UTRN: variants seen among roughly 807,000 people sequenced by gnomAD.
UTRN encodes the protein utrophin, also known as dystrophin-related protein 1.
Under a neutral mutation model 463.9 loss-of-function variants are expected in UTRN, and 283 were observed. The observed-to-expected ratio is 0.61, with a 90% CI of 0.55 to 0.67. UTRN has a LOEUF of 0.67. Among genes scored for constraint, UTRN ranks in the 30% least tolerant of loss-of-function variants. UTRN has a pLI of 0.00. For missense variants in UTRN, 3,922 were observed against 4,084.3 expected (o/e 0.96, Z 1.08); for synonymous variants, 1,442 against 1,431.5 (o/e 1.01, Z -0.17).
chr6:144,553,337 C>T (rs1301664317), intron 48 of UTRN, among the ~76,000 whole-genome samples: 4 of 152,124 alleles, frequency 2.6e-5, no homozygotes, highest in African/African-American at 9.7e-5. Flanking sequence ...TGCACCCAGC[C>T]AGTTGATAGC....
At chr6:144,736,696 G>A (rs544936140) in intron 54 of UTRN, among the ~76,000 whole-genome samples, 17 of 152,242 alleles carry the variant, frequency 1.1e-4, no homozygotes, top group Admixed American at 9.8e-4. Flanking sequence ...TGCCCGTAGT[G>A]CATGCCATGG....
At chr6:144,445,291 C>T (rs1386408169) in intron 14 of UTRN, among the ~76,000 whole-genome samples, 1 of 138,536 alleles carries the variant, frequency 7.2e-6, no homozygotes, top group Non-Finnish European at 1.5e-5. Context: ...GCAGAGGTTG[C>T]AGTGAGCCGA....
rs1293931950 is a variant in UTRN, at chr6:144,519,871, T to C, written c.5542-2109T>C. ...GGTCTTGCAGAATGACAATCCGTTATGTAACTGAAGAAGCAGCACAGGAAT... is the reference window on the plus strand; with the variant it reads ...GGTCTTGCAGAATGACAATCCGTTACGTAACTGAAGAAGCAGCACAGGAAT... On this transcript the variant is annotated intron_variant, in intron 39 of 74. Transcript: ENST00000367545. 3.9e-5 allele frequency among the ~76,000 whole-genome samples: 6 copies of C among 152,256 alleles called. No individual in the cohort carries two copies. In the East Asian group the frequency reaches 9.6e-4, roughly 24 times the overall value.
intron 65 of UTRN, among the ~76,000 whole-genome samples, chr6:144,812,990 C>T (rs1198483278): frequency 6.6e-6 from 1 of 152,028 alleles, no homozygotes; most frequent in Non-Finnish European, 1.5e-5. Context: ...AGGTTCAGTT[C>T]TAAAATGTTT....
intron 51 of UTRN, among the ~76,000 whole-genome samples, chr6:144,614,912 G>C (rs1231325482): frequency 1.3e-5 from 2 of 152,096 alleles, no homozygotes; most frequent in Non-Finnish European, 2.9e-5. Flanking sequence ...ATAACGTGTA[G>C]CTTTCAATAT....
chr6:144,643,119 C>A (rs573391252), intron 51 of UTRN, among the ~76,000 whole-genome samples: 1 of 151,870 alleles, frequency 6.6e-6, no homozygotes, highest in Non-Finnish European at 1.5e-5. Flanking sequence ...GAAAACCTAC[C>A]GGTGCATGAG....
chr6:144,325,752 T>G (rs553932596), intron 2 of UTRN, among the ~76,000 whole-genome samples: 1 of 152,236 alleles, frequency 6.6e-6, no homozygotes, highest in South Asian at 2.1e-4. Flanking sequence ...TTTGAAAGCC[T>G]CCACCAGTAG....
chr6:144,317,445 G>T (rs776147018), intron 2 of UTRN, among the ~76,000 whole-genome samples: 1 of 151,536 alleles, frequency 6.6e-6, no homozygotes, highest in African/African-American at 2.4e-5. Context: ...TGCTCTTTTC[G>T]GAGTGCAGTG....
At chr6:144,597,683 C>T (rs1918744) in intron 51 of UTRN, among the ~76,000 whole-genome samples, 20,693 of 152,182 alleles carry the variant, frequency 0.14, 1,778 homozygotes, top group South Asian at 0.27. Flanking sequence ...AGCTCTAGAA[C>T]TATCCTGGTC....
intron 2 of UTRN, among the ~76,000 whole-genome samples, chr6:144,377,040 T>C (rs546020451): frequency 3.2e-4 from 48 of 152,206 alleles, no homozygotes; most frequent in Non-Finnish European, 5.3e-4. Context: ...ACTTCTTTTT[T>C]TGTTTGTTTG....
At position 144,286,766 on chromosome 6, in the gene UTRN, C is replaced by G. The variant is rs1016840730; in HGVS notation, c.-93+945C>G. 6.6e-6 allele frequency among the ~76,000 whole-genome samples: 1 copy of G among 150,894 alleles called. No homozygotes were observed. Among genetic ancestry groups the G allele is most frequent in the Non-Finnish European group, 1.5e-5 (1 of 67,622 alleles). ...TTCGAGGAGGAGGGAGAAAACGTTG[C>G]CCGACCTCCGAGAGAGCTGTGGGAC... is the stretch of plus-strand genomic sequence containing the variant. On this transcript the variant is annotated intron_variant, in intron 1 of 74. Coordinates refer to ENST00000367545, the MANE Select transcript of UTRN (RefSeq NM_007124.3). The surrounding 1 kb of genome is among the most constrained non-coding windows in gnomAD (Gnocchi z 4.4).
At chr6:144,661,507 T>C (rs1351232759) in intron 51 of UTRN, among the ~76,000 whole-genome samples, 1 of 152,170 alleles carries the variant, frequency 6.6e-6, no homozygotes, top group Non-Finnish European at 1.5e-5. Flanking sequence ...AGCATCTAAA[T>C]TCCTGAGAGT....
Position 144,591,178 on chromosome 6 carries a change from C to T in UTRN, c.7479+13890C>T, listed in dbSNP as rs971185065. Among the ~76,000 whole-genome samples the T allele has an allele frequency of 6.6e-5, 10 of 152,224 alleles. No individual in the cohort carries two copies. In the South Asian group the frequency reaches 1.2e-3, roughly 19 times the overall value. On this transcript the variant is annotated intron_variant, in intron 51 of 74. Transcript: ENST00000367545. ...TTAACAAGGATGTTCACATTACAGT[C>T]GCCCAGAGAATTTTTCCAAAGGATT...
intron 41 of UTRN, among the ~76,000 whole-genome samples, chr6:144,524,817 G>T (rs1796420089): frequency 6.6e-6 from 1 of 152,104 alleles, no homozygotes; most frequent in Non-Finnish European, 1.5e-5. Flanking sequence ...TATAATGTTG[G>T]CTATGGGCTA....
intron 58 of UTRN, among the ~76,000 whole-genome samples, chr6:144,770,164 C>A (rs1474116572): frequency 2.0e-5 from 3 of 152,146 alleles, no homozygotes; most frequent in Non-Finnish European, 4.4e-5. Flanking sequence ...CAAGACAGAT[C>A]TTCACATTGT....
At chr6:144,351,115 T>C (rs999962906) in intron 2 of UTRN, among the ~76,000 whole-genome samples, 2 of 152,216 alleles carry the variant, frequency 1.3e-5, no homozygotes, top group African/African-American at 2.4e-5. Flanking sequence ...GGAGTTAGGC[T>C]TAAAATTAAG....
intron 51 of UTRN, among the ~76,000 whole-genome samples, chr6:144,610,736 G>C (rs759648164): frequency 5.9e-5 from 9 of 152,102 alleles, no homozygotes; most frequent in Admixed American, 2.0e-4. Context: ...TTAGCCGGGC[G>C]TGGTGGCACT....
intron 71 of UTRN, among the ~76,000 whole-genome samples, chr6:144,836,937 T>C (rs1443573564): frequency 5.9e-5 from 9 of 152,218 alleles, no homozygotes; most frequent in African/African-American, 2.2e-4. Context: ...ACTCCAAGAA[T>C]CATTATTTTC....
At chr6:144,850,002 A>C (rs888816563) in intron 74 of UTRN, among the ~76,000 whole-genome samples, 2 of 152,168 alleles carry the variant, frequency 1.3e-5, no homozygotes, top group African/African-American at 4.8e-5. Flanking sequence ...TGCCTGGCTG[A>C]GATATCTTCC....
Sources: gnomAD v4.1 joint callset for allele counts (sites outside exome capture counted in the v4.1 genomes callset) on GRCh38, gnomAD v4.1.1 for gene constraint, Gnocchi (gnomAD v3.1) non-coding constraint, MANE v1.5 for transcripts, NCBI Gene and HGNC (gene_info 2026-07-23, HGNC 2026-07-21) for gene names.